Variants in MYO10 observed in about 807,000 individuals in gnomAD.
MYO10 encodes the protein myosin X.
MYO10 carries 133 observed loss-of-function variants against 257.3 expected under a neutral mutation model. The ratio of observed to expected loss-of-function variants is 0.52; its 90% CI spans 0.45 to 0.60. The LOEUF (loss-of-function observed/expected upper bound fraction) is 0.60, where lower values mean the gene tolerates loss of function less well. Ranked by LOEUF, MYO10 falls within the 20% of genes least tolerant of loss-of-function variation. The pLI is 0.00. For synonymous variants in MYO10, 1,104 were observed against 1,028.6 expected (o/e 1.07, Z -1.40); for missense variants, 2,399 against 2,635.7 (o/e 0.91, Z 1.97).
chr5:16,859,934 G>A (rs1011923437), intron 2 of MYO10, among the ~76,000 whole-genome samples: 8 of 152,022 alleles, frequency 5.3e-5, no homozygotes, highest in Non-Finnish European at 1.0e-4. Flanking sequence ...AACAGGTAAG[G>A]GAAATTTCCT....
At chr5:16,796,484 AAAG>A (rs1741976537) in intron 3 of MYO10, among the ~76,000 whole-genome samples, 1 of 89,254 alleles carries the variant, frequency 1.1e-5, no homozygotes, top group African/African-American at 3.5e-5. Context: ...AAAAGAAAAG[AAAG>A]AAAGAAAGAA....
chr5:16,865,426 C>A (rs989515743), intron 2 of MYO10, among the ~76,000 whole-genome samples: 5 of 152,198 alleles, frequency 3.3e-5, no homozygotes, highest in African/African-American at 1.2e-4. Context: ...CTCAACAAAT[C>A]TTTCTTGACG....
intron 1 of MYO10, among the ~76,000 whole-genome samples, chr5:16,883,356 C>T (rs1166881114): frequency 6.6e-6 from 1 of 152,174 alleles, no homozygotes; most frequent in Non-Finnish European, 1.5e-5. Context: ...AAAACCACCA[C>T]AACCCCATAA....
intron 28 of MYO10, among the ~76,000 whole-genome samples, chr5:16,688,759 A>G (rs1737361045): frequency 6.6e-6 from 1 of 151,726 alleles, no homozygotes; most frequent in African/African-American, 2.4e-5. Context: ...AGAAAAAAAA[A>G]AAAAAGATGT....
intron 39 of MYO10, among the ~76,000 whole-genome samples, chr5:16,669,179 A>AT (rs979503408): frequency 2.0e-5 from 3 of 151,874 alleles, no homozygotes; most frequent in Non-Finnish European, 4.4e-5. Flanking sequence ...ATAACCAGAC[A>AT]TTCTCTGCAT....
intron 3 of MYO10, chr5:16,814,616 T>C (rs1195972758): frequency 2.0e-5 from 3 of 152,216 alleles, no homozygotes; most frequent in Non-Finnish European, 2.9e-5. Flanking sequence ...GTGGCTGTTC[T>C]GACAGGTGGC....
At chr5:16,905,729 T>G (rs1228613429) in intron 1 of MYO10, among the ~76,000 whole-genome samples, 1 of 152,206 alleles carries the variant, frequency 6.6e-6, no homozygotes, top group Non-Finnish European at 1.5e-5. Context: ...TTTTGTTTGC[T>G]TTAACAAATA....
chr5:16,874,257 C>A (rs1167911946), intron 2 of MYO10, among the ~76,000 whole-genome samples: 2 of 146,604 alleles, frequency 1.4e-5, no homozygotes, highest in African/African-American at 5.0e-5. Context: ...TGGTGTGAAC[C>A]CGGGACGTAG....
At chr5:16,717,044 C>A (rs1738904159) in intron 19 of MYO10, among the ~76,000 whole-genome samples, 1 of 152,098 alleles carries the variant, frequency 6.6e-6, no homozygotes, top group Non-Finnish European at 1.5e-5. Flanking sequence ...CCCATGTTGG[C>A]CAGACTGGTC....
rs1561035255 is a variant in MYO10 at position 16,880,407 on chromosome 5, C to CTA, written c.22-2701_22-2700insTA. On this transcript the variant is annotated intron_variant, in intron 1 of 40. Coordinates refer to ENST00000513610, the MANE Select transcript of MYO10 (RefSeq NM_012334.3). ...CCACTGACCAACTCACAGAGTTCCCCGGAGAGTTATACGACTCTCCTAGTA... is the reference window on the plus strand; with the variant it reads ...CCACTGACCAACTCACAGAGTTCCCCTAGGAGAGTTATACGACTCTCCTAGTA... 4.0e-3 allele frequency among the ~76,000 whole-genome samples: 613 copies of CTA among 151,862 alleles called. 10 individuals carry two copies. Among genetic ancestry groups the CTA allele is most frequent in the African/African-American group, 0.014 (590 of 41,254 alleles).
chr5:16,725,587 G>A (rs901647487), intron 19 of MYO10, among the ~76,000 whole-genome samples: 3 of 152,074 alleles, frequency 2.0e-5, no homozygotes, highest in Non-Finnish European at 2.9e-5. Flanking sequence ...AAAAGCAATC[G>A]TGTGGGAAAT....
chr5:16,740,773 T>C (rs1468402131), intron 19 of MYO10, among the ~76,000 whole-genome samples: 2 of 152,120 alleles, frequency 1.3e-5, no homozygotes, highest in South Asian at 2.1e-4. Flanking sequence ...CAGTTTAACG[T>C]TGTAAGAGAG....
intron 2 of MYO10, 137 bp from the exon 3 acceptor site, chr5:16,818,304 C>CA: frequency 1.4e-6 from 1 of 721,862 alleles, no homozygotes; most frequent in East Asian, 2.8e-5. Context: ...AAATATATCG[C>CA]AAAAATCTCT....
chr5:16,666,882 C>G, intron 40 of MYO10, 89 bp from the exon 41 acceptor site: 1 of 1,086,928 alleles, frequency 9.2e-7, no homozygotes, highest in Non-Finnish European at 1.3e-6. Context: ...TCCCTGGGCA[C>G]CCTCCCGTAG....
chr5:16,850,151 G>A (rs1234913403), intron 2 of MYO10, among the ~76,000 whole-genome samples: 1 of 152,180 alleles, frequency 6.6e-6, no homozygotes, highest in Non-Finnish European at 1.5e-5. Context: ...TGTCCACTGT[G>A]CCTGGAGATA....
In MYO10 at chr5:16,810,664, C is replaced by T. The variant is rs144299890; in HGVS notation, c.279+7345G>A. 3.3e-3 allele frequency among the ~76,000 whole-genome samples: 507 copies of T among 152,184 alleles called. 3 individuals are homozygous for T. Among genetic ancestry groups the T allele is most frequent in the African/African-American group, 0.011 (446 of 41,526 alleles). ...TAAAAATTAGCCAGGCGTGGTGGTGCGTGCCTGTAGTCCCAGCTGCTCTAG... is the reference window on the plus strand; with the variant it reads ...TAAAAATTAGCCAGGCGTGGTGGTGTGTGCCTGTAGTCCCAGCTGCTCTAG... On this transcript the variant is annotated intron_variant, in intron 3 of 40. Transcript: ENST00000513610.
chr5:16,905,768 A>G (rs1445647905), intron 1 of MYO10, among the ~76,000 whole-genome samples: 1 of 152,172 alleles, frequency 6.6e-6, no homozygotes, highest in Non-Finnish European at 1.5e-5. Context: ...AAAGTAAGAA[A>G]TTTAACTCCT....
chr5:16,847,041 C>G (rs1201932147), intron 2 of MYO10, among the ~76,000 whole-genome samples: 1 of 152,064 alleles, frequency 6.6e-6, no homozygotes, highest in Non-Finnish European at 1.5e-5. Flanking sequence ...TCACTTGAAC[C>G]CAGAAGACAG....
intron 1 of MYO10, among the ~76,000 whole-genome samples, chr5:16,925,967 G>A (rs1746119247): frequency 6.6e-6 from 1 of 151,932 alleles, no homozygotes; most frequent in African/African-American, 2.4e-5. Flanking sequence ...GTGTCATTTC[G>A]GCACTCAGTA....
Sources: gnomAD v4.1 joint callset for allele counts (sites outside exome capture counted in the v4.1 genomes callset) on GRCh38, gnomAD v4.1.1 for gene constraint, MANE v1.5 for transcripts, NCBI Gene and HGNC (gene_info 2026-07-23, HGNC 2026-07-21) for gene names.